GRIP1: variants seen among roughly 807,000 people sequenced by gnomAD.
GRIP1 encodes glutamate receptor-interacting protein 1.
Under a neutral mutation model 129.9 loss-of-function variants are expected in GRIP1, and 45 were observed. That is an observed-to-expected ratio of 0.35 (90% CI 0.27 to 0.44). GRIP1 has a LOEUF of 0.44. Among genes scored for constraint, GRIP1 ranks in the 20% least tolerant of loss-of-function variants. The pLI, the probability that GRIP1 is intolerant of heterozygous loss-of-function variation, is 1.00. For synonymous variants in GRIP1, 530 were observed against 520.8 expected (o/e 1.02, Z -0.24); for missense variants, 1,196 against 1,396.8 (o/e 0.86, Z 2.29).
intron 1 of GRIP1, among the ~76,000 whole-genome samples, chr12:66,609,405 T>A (rs1436274128): frequency 6.6e-6 from 1 of 152,192 alleles, no homozygotes; most frequent in African/African-American, 2.4e-5. Context: ...ATTTAAGCTA[T>A]GGGCTATCAT....
chr12:66,712,199 A>C (rs920554504), intron 1 of GRIP1, among the ~76,000 whole-genome samples: 2 of 151,944 alleles, frequency 1.3e-5, no homozygotes, highest in Non-Finnish European at 2.9e-5. Flanking sequence ...TAAGCTTGGT[A>C]TTTACCAACT....
chr12:66,975,563 T>C (rs1052829442), intron 1 of GRIP1, among the ~76,000 whole-genome samples: 4 of 152,028 alleles, frequency 2.6e-5, no homozygotes, highest in Non-Finnish European at 2.9e-5. Flanking sequence ...TTGTAGAAAA[T>C]AGTACAAAAC....
chr12:66,869,103 T>C (rs1245624828), intron 1 of GRIP1, among the ~76,000 whole-genome samples: 1 of 152,068 alleles, frequency 6.6e-6, no homozygotes, highest in African/African-American at 2.4e-5. Flanking sequence ...TGTATGTACA[T>C]ATCTTATCAC....
intron 1 of GRIP1, among the ~76,000 whole-genome samples, chr12:66,779,129 A>G (rs2038078415): frequency 6.6e-6 from 1 of 152,190 alleles, no homozygotes; most frequent in South Asian, 2.1e-4. Context: ...GTTAACATAT[A>G]ATTTCAAGGA....
intron 1 of GRIP1, among the ~76,000 whole-genome samples, chr12:66,786,762 C>T (rs1014684647): frequency 3.5e-4 from 54 of 152,230 alleles, no homozygotes; most frequent in African/African-American, 8.7e-4. Context: ...CAGTCATTAT[C>T]GAGAGGAGCC....
intron 1 of GRIP1, among the ~76,000 whole-genome samples, chr12:66,760,286 T>C (rs937132915): frequency 1.9e-4 from 29 of 152,172 alleles, no homozygotes; most frequent in African/African-American, 6.8e-4. Flanking sequence ...CAAAGTCGCT[T>C]CCATATTTTC....
intron 5 of GRIP1, among the ~76,000 whole-genome samples, chr12:66,526,419 G>A (rs1332331603): frequency 6.6e-6 from 1 of 152,160 alleles, no homozygotes; most frequent in Non-Finnish European, 1.5e-5. Flanking sequence ...ACTAAAACAA[G>A]AAATGGGGAA....
At chr12:67,050,100 G>T (rs1472596302) in intron 1 of GRIP1, among the ~76,000 whole-genome samples, 1 of 146,030 alleles carries the variant, frequency 6.8e-6, no homozygotes, top group African/African-American at 2.8e-5. Context: ...GCTACTATGT[G>T]CTTATTTTAT....
At chr12:66,649,155 A>G (rs1437373462) in intron 1 of GRIP1, among the ~76,000 whole-genome samples, 1 of 152,208 alleles carries the variant, frequency 6.6e-6, no homozygotes, top group African/African-American at 2.4e-5. Flanking sequence ...CAGATTGTTC[A>G]GATATTTTCC....
intron 1 of GRIP1, among the ~76,000 whole-genome samples, chr12:67,035,876 G>A (rs575522349): frequency 2.6e-5 from 4 of 151,946 alleles, no homozygotes; most frequent in Non-Finnish European, 5.9e-5. Flanking sequence ...TCTTAGTGCT[G>A]TACCTCCTTC....
chr12:66,464,837 TATGTGTATATGC>T (rs1027392656), intron 8 of GRIP1, among the ~76,000 whole-genome samples: 16 of 151,418 alleles, frequency 1.1e-4, no homozygotes, highest in African/African-American at 3.9e-4. Flanking sequence ...TGTGTGTGTG[TATGTGTATATGC>T]ATGTGTATAT....
chr12:66,990,095 G>A (rs1009831939), intron 1 of GRIP1, among the ~76,000 whole-genome samples: 1 of 152,168 alleles, frequency 6.6e-6, no homozygotes, highest in African/African-American at 2.4e-5. Context: ...ACATAAGAAG[G>A]ATGAAGAAAA....
In GRIP1 at chr12:66,844,837, T is replaced by C. The variant is rs143769740; in HGVS notation, c.58+224213A>G. On this transcript the variant is annotated intron_variant, in intron 1 of 1. Transcript: ENST00000643019. ...ACATGGGTGAACCCTGAGAACATTA[T>C]GCTAAGTGAAATAAACCAGTCACAA... 9.2e-4 allele frequency among the ~76,000 whole-genome samples: 140 copies of C among 152,326 alleles called. 2 individuals are homozygous for C. In the East Asian group the frequency reaches 0.023, roughly 25 times the overall value.
At chr12:66,823,979 T>TA (rs1401684550) in intron 1 of GRIP1, among the ~76,000 whole-genome samples, 9 of 152,158 alleles carry the variant, frequency 5.9e-5, no homozygotes, top group Non-Finnish European at 1.0e-4. Context: ...CTAACTCTAT[T>TA]AATAGCTCTA....
intron 1 of GRIP1, among the ~76,000 whole-genome samples, chr12:66,612,537 T>C: frequency 6.6e-6 from 1 of 152,114 alleles, no homozygotes; most frequent in Admixed American, 6.6e-5. Context: ...CTTGGGAAGC[T>C]GTGGTGGGAG....
chr12:66,492,045 T>A (rs1402448103), intron 7 of GRIP1, among the ~76,000 whole-genome samples: 1 of 152,162 alleles, frequency 6.6e-6, no homozygotes, highest in East Asian at 1.9e-4. Context: ...AAAGAATTCC[T>A]ACTACTCATA....
At chr12:66,965,421 T>C (rs2041981926) in intron 1 of GRIP1, among the ~76,000 whole-genome samples, 1 of 151,998 alleles carries the variant, frequency 6.6e-6, no homozygotes. Flanking sequence ...ACAAAACAAA[T>C]GTTTTAAACC....
chr12:66,927,619 G>T (rs2041317563), intron 1 of GRIP1, among the ~76,000 whole-genome samples: 1 of 152,116 alleles, frequency 6.6e-6, no homozygotes, highest in Non-Finnish European at 1.5e-5. Context: ...AGCCAGTAAG[G>T]AACAAATTAG....
chr12:66,494,694 G>A (rs755744115), intron 7 of GRIP1, among the ~76,000 whole-genome samples: 1 of 151,894 alleles, frequency 6.6e-6, no homozygotes, highest in Non-Finnish European at 1.5e-5. Context: ...GTAACAAAGT[G>A]AGAGTCTGTC....
Sources: gnomAD v4.1 joint callset for allele counts (sites outside exome capture counted in the v4.1 genomes callset) on GRCh38, gnomAD v4.1.1 for gene constraint, MANE v1.5 for transcripts, NCBI Gene and HGNC (gene_info 2026-07-23, HGNC 2026-07-21) for gene names.